SLC4A4: variants seen among roughly 807,000 people sequenced by gnomAD.
SLC4A4 encodes electrogenic sodium bicarbonate cotransporter 1.
A neutral mutation model predicts 111.5 loss-of-function variants in SLC4A4; 27 were observed. That is an observed-to-expected ratio of 0.24 (90% CI 0.18 to 0.33). SLC4A4 has a LOEUF of 0.33. SLC4A4 is among the 10% of genes least tolerant of loss of function. The pLI is 1.00. For synonymous variants in SLC4A4, 443 were observed against 463.4 expected (o/e 0.96, Z 0.57); for missense variants, 909 against 1,315.5 (o/e 0.69, Z 4.78).
At chr4:71,222,136 G>C (rs1298757463) in intron 1 of SLC4A4, among the ~76,000 whole-genome samples, 1 of 152,140 alleles carries the variant, frequency 6.6e-6, no homozygotes, top group Non-Finnish European at 1.5e-5. Flanking sequence ...CCTTCATACA[G>C]TAGCCTTCCA....
intron 16 of SLC4A4, among the ~76,000 whole-genome samples, chr4:71,501,158 A>G (rs1301944748): frequency 1.3e-5 from 2 of 152,142 alleles, no homozygotes; most frequent in Admixed American, 6.5e-5. Flanking sequence ...TTTTTGAAGT[A>G]TAGCACATTC....
At chr4:71,352,676 G>A (rs777213636) in intron 5 of SLC4A4, among the ~76,000 whole-genome samples, 2 of 152,174 alleles carry the variant, frequency 1.3e-5, no homozygotes, top group Non-Finnish European at 2.9e-5. Context: ...TTTCAGGGTT[G>A]TTATGAGCAT....
At chr4:71,364,404 T>G (rs1731061006) in intron 6 of SLC4A4, among the ~76,000 whole-genome samples, 1 of 152,230 alleles carries the variant, frequency 6.6e-6, no homozygotes, top group East Asian at 1.9e-4. Flanking sequence ...ACCATTGTGC[T>G]TTGGTGCATT....
At chr4:71,567,720 A>G (rs373483114) in intron 25 of SLC4A4, 68 bp from the exon 26 acceptor site, 2 of 724,804 alleles carry the variant, frequency 2.8e-6, no homozygotes. Context: ...TATACAATGC[A>G]TAAACATTTG....
At chr4:71,436,007 T>C (rs1304116753) in intron 7 of SLC4A4, among the ~76,000 whole-genome samples, 1 of 152,222 alleles carries the variant, frequency 6.6e-6, no homozygotes, top group Non-Finnish European at 1.5e-5. Flanking sequence ...TGGTGATCCC[T>C]CAAGGATCTT....
rs578258048 is a variant in SLC4A4, at chr4:71,116,748, A to G, written c.-2+23956A>G. Among the ~76,000 whole-genome samples the G allele has an allele frequency of 7.6e-4, 115 of 152,282 alleles. 1 individual carries two copies. Among genetic ancestry groups the G allele is most frequent in the African/African-American group, 2.6e-3 (109 of 41,562 alleles). ...CACCTGAGGTTGCGAGTTCGAGACC[A>G]GCCTGACCAACATGGAGAAATCCTG... On this transcript the variant is annotated intron_variant, in intron 2 of 26. Coordinates refer to the SLC4A4 transcript ENST00000649996.
intron 3 of SLC4A4, among the ~76,000 whole-genome samples, chr4:71,337,727 C>T (rs2148886997): frequency 6.6e-6 from 1 of 152,224 alleles, no homozygotes. Context: ...CATTTAGGCT[C>T]CTACCAGTAA....
chr4:71,296,519 G>C (rs912278060), intron 3 of SLC4A4, among the ~76,000 whole-genome samples: 1 of 152,076 alleles, frequency 6.6e-6, no homozygotes, highest in Non-Finnish European at 1.5e-5. Context: ...ATTCAGAGTT[G>C]GGTGTATTTT....
At chr4:71,467,072 A>G (rs1435585339) in intron 13 of SLC4A4, among the ~76,000 whole-genome samples, 3 of 151,546 alleles carry the variant, frequency 2.0e-5, no homozygotes, top group Non-Finnish European at 2.9e-5. Flanking sequence ...GCCCCTGTCA[A>G]GTGGCTCATC....
intron 2 of SLC4A4, among the ~76,000 whole-genome samples, chr4:71,115,613 A>G (rs1184777719): frequency 1.3e-5 from 2 of 152,168 alleles, no homozygotes; most frequent in Admixed American, 1.3e-4. Flanking sequence ...TTAGGTTTAG[A>G]GGGCAATGTG....
rs145441794 is a variant in SLC4A4 at position 71,238,052 on chromosome 4, C to A, written c.73+1403C>A. ...CTGTCCCAGTGTCAAAGAGGAGATA[C>A]CAGCAAAGAGGAGATACAAGCAAAG... On this transcript the variant is annotated intron_variant, in intron 2 of 25. Transcript: ENST00000264485. 1.2e-4 allele frequency among the ~76,000 whole-genome samples: 18 copies of A among 152,158 alleles called. No individual in the cohort carries two copies. The East Asian group carries it at 2.7e-3, about 23-fold the overall frequency.
intron 3 of SLC4A4, among the ~76,000 whole-genome samples, chr4:71,285,277 C>T (rs1457361675): frequency 1.3e-5 from 2 of 152,112 alleles, no homozygotes; most frequent in African/African-American, 4.8e-5. Context: ...CTTGGCATAA[C>T]AAGTTCTTTG....
chr4:71,381,500 C>G (rs1004124008), intron 6 of SLC4A4, among the ~76,000 whole-genome samples: 2 of 152,130 alleles, frequency 1.3e-5, no homozygotes, highest in Non-Finnish European at 2.9e-5. Flanking sequence ...ATTATCGTAA[C>G]CTCAGATTGG....
At chr4:71,370,985 A>G (rs1459723666) in intron 6 of SLC4A4, among the ~76,000 whole-genome samples, 1 of 152,206 alleles carries the variant, frequency 6.6e-6, no homozygotes, top group Non-Finnish European at 1.5e-5. Context: ...CTCCCTAAAT[A>G]ATCAGCTTTG....
intron 2 of SLC4A4, among the ~76,000 whole-genome samples, chr4:71,145,438 G>C (rs1456990493): frequency 6.6e-6 from 1 of 152,184 alleles, no homozygotes; most frequent in South Asian, 2.1e-4. Flanking sequence ...CCAGGCTTTG[G>C]TATCAGGATG....
chr4:71,071,287 G>T (rs1229915050), intron 1 of SLC4A4, among the ~76,000 whole-genome samples: 1 of 146,968 alleles, frequency 6.8e-6, no homozygotes, highest in African/African-American at 2.5e-5. Flanking sequence ...AAAAAGGAAA[G>T]AAGAAGAAGA....
At chr4:71,076,365 G>T (rs13119507) in intron 1 of SLC4A4, among the ~76,000 whole-genome samples, 18,359 of 151,730 alleles carry the variant, frequency 0.12, 1,683 homozygotes, top group African/African-American at 0.26. Context: ...ACCCTGTCTC[G>T]ACTAAAAATA....
At chr4:71,497,470 C>T in intron 15 of SLC4A4, 31 bp from the exon 16 acceptor site, 2 of 1,579,492 alleles carry the variant, frequency 1.3e-6, no homozygotes, top group Non-Finnish European at 1.7e-6. Context: ...TCAATGTTCT[C>T]TAGAAAAATT....
Position 71,560,241 on chromosome 4 carries a change from G to T in SLC4A4, c.3086G>T (p.Ser1029Ile). 1 of 1,608,258 alleles carries T rather than the reference G, an allele frequency of 6.2e-7. No individual in the cohort carries two copies. The highest frequency in any genetic ancestry group is 8.5e-7 in the Non-Finnish European group (1 of 1,176,598). ...AAAAAGAAGAAGGGAAGTCTGGACA[G>T]TGACAATGATGATGTAAGGAACTTT... The part of the protein sequence containing the change: ...KKKKKKGSLD[S>I]DNDDSDCPYS... Residue 1029 changes from serine (S) to isoleucine (I), a missense_variant, in exon 23 of 26, where the codon AGT (serine) becomes ATT (isoleucine). This residue lies in a region of SLC4A4 where 85 missense variants were observed against 79.8 expected (regional missense o/e 1.07). Coordinates refer to ENST00000264485, the MANE Select transcript of SLC4A4 (RefSeq NM_001098484.3).
Sources: allele counts gnomAD v4.1 joint callset (sites outside exome capture counted in the v4.1 genomes callset), GRCh38; gene constraint gnomAD v4.1.1; regional missense constraint gnomAD v4.1.1; transcripts MANE v1.5; gene names NCBI Gene and HGNC (gene_info 2026-07-23, HGNC 2026-07-21).